ABLIM2: variants seen among roughly 807,000 people sequenced by gnomAD.
The protein encoded by ABLIM2 is actin binding LIM protein family member 2.
ABLIM2 carries 53 observed loss-of-function variants against 97.7 expected under a neutral mutation model. The observed-to-expected ratio is 0.54, with a 90% CI of 0.44 to 0.68. ABLIM2 has a LOEUF of 0.68. Among genes scored for constraint, ABLIM2 ranks in the 30% least tolerant of loss-of-function variants. The probability of loss-of-function intolerance (pLI) is 0.00; values close to 1 mark genes in which losing one functional copy is unlikely to be tolerated. For missense variants in ABLIM2, 835 were observed against 867.2 expected, an observed-to-expected ratio of 0.96 and a Z score of 0.47; for synonymous variants, 361 against 345.8, an observed-to-expected ratio of 1.04 and a Z score of -0.49.
chr4:8,027,830 C>G lies in ABLIM2; in HGVS notation c.1196G>C (p.Ser399Thr), dbSNP rs1579062089. 1 of 1,599,672 alleles carries G rather than the reference C, an allele frequency of 6.3e-7. No homozygotes were observed. Among genetic ancestry groups the G allele is most frequent in the Non-Finnish European group, 8.5e-7 (1 of 1,173,710 alleles). Residue 399 changes from serine to threonine, a missense_variant, in exon 12 of 21, where the codon AGC (serine) becomes ACC (threonine). Transcript: ENST00000447017. The stretch of plus-strand genomic sequence containing the variant: ...TGGGTGTTGGGACAGGGAGAGGCAG[C>G]TACTGGTACCCACACTCACAGTACC... ...PAGTVSVGTSSCLSLSQHPSP... is the reference protein window; with the variant it reads ...PAGTVSVGTSTCLSLSQHPSP...
chr4:8,144,345 T>G (rs1851459122), intron 1 of ABLIM2, among the ~76,000 whole-genome samples: 2 of 152,216 alleles, frequency 1.3e-5, no homozygotes, highest in Admixed American at 6.5e-5. Context: ...CCTTCCAGAA[T>G]CCGCATCCAC....
At chr4:7,981,206 G>A (rs1212179040) in intron 20 of ABLIM2, among the ~76,000 whole-genome samples, 2 of 152,004 alleles carry the variant, frequency 1.3e-5, no homozygotes, top group African/African-American at 4.8e-5. Context: ...GCCTCCCAAA[G>A]TGCTGGGATT....
At position 8,001,560 on chromosome 4, in the gene ABLIM2, C is replaced by T. The variant is rs1277963405; in HGVS notation, c.1618+6499G>A. ...GTCCTCGCCCTGACCTCTGGAGCTC[C>T]CTCTGCTCTCTCTGGGGGCTCAGAG... is the stretch of plus-strand genomic sequence containing the variant. On this transcript the variant is annotated intron_variant, in intron 16 of 20. Transcript: ENST00000447017. The surrounding 1 kb of genome is among the most constrained non-coding windows in gnomAD (Gnocchi z 4.2). Among the ~76,000 whole-genome samples, 39 of 152,240 alleles carry T rather than the reference C, an allele frequency of 2.6e-4. 1 individual carries two copies. Among genetic ancestry groups the T allele is most frequent in the Non-Finnish European group, 1.5e-5 (1 of 67,980 alleles).
rs1238611512 is a variant in ABLIM2, at chr4:8,032,301, C to T, written c.1048-2525G>A. ...GGACTGGGTGCTTCCACACAACCCA[C>T]GTGGAGGGGCAGGAGGCAGGAAGCG... On this transcript the variant is annotated intron_variant, in intron 10 of 20. Coordinates refer to ENST00000447017, the MANE Select transcript of ABLIM2 (RefSeq NM_001130083.2). This position sits in a 1 kb window ranked among gnomAD's most constrained non-coding sequence, Gnocchi z 4.3. Among the ~76,000 whole-genome samples, 4 of 152,242 alleles carry T rather than the reference C, an allele frequency of 2.6e-5. No individual in the cohort carries two copies. Among genetic ancestry groups the T allele is most frequent in the Admixed American group, 6.5e-5 (1 of 15,300 alleles).
intron 8 of ABLIM2, among the ~76,000 whole-genome samples, chr4:8,051,941 G>T (rs929178316): frequency 2.0e-5 from 3 of 152,204 alleles, no homozygotes; most frequent in Non-Finnish European, 4.4e-5. Context: ...CCTCGAGCCC[G>T]TGTATATACC....
At chr4:8,089,382 A>T (rs1825814680) in intron 3 of ABLIM2, among the ~76,000 whole-genome samples, 1 of 152,212 alleles carries the variant, frequency 6.6e-6, no homozygotes, top group South Asian at 2.1e-4. Flanking sequence ...GCCTGGCCAG[A>T]GAACCAGGTG....
chr4:8,136,099 G>A (rs1850154675), intron 1 of ABLIM2, among the ~76,000 whole-genome samples: 2 of 152,186 alleles, frequency 1.3e-5, no homozygotes, highest in South Asian at 2.1e-4. Flanking sequence ...TGGTCTATAC[G>A]GACGATGAAA....
chr4:8,158,706 A>T lies in ABLIM2; in HGVS notation c.-17T>A, dbSNP rs1402966375. 3.4e-6 allele frequency: 5 copies of T among 1,452,528 alleles called. No individual in the cohort carries two copies. Among genetic ancestry groups the T allele is most frequent in the Non-Finnish European group, 3.6e-6 (4 of 1,103,422 alleles). The allele number at this position is 1,452,528 out of a possible 1,614,324, so 90.0% of individuals were successfully genotyped here. On this transcript the variant is annotated 5_prime_UTR_variant, in exon 1 of 21. Coordinates refer to ENST00000447017, the MANE Select transcript of ABLIM2 (RefSeq NM_001130083.2). ...TGCACTCATCTCAGCAGCCGCTCGGAGTCGGGGCGGCCCGGCGCTGCGACA... is the reference window on the plus strand; with the variant it reads ...TGCACTCATCTCAGCAGCCGCTCGGTGTCGGGGCGGCCCGGCGCTGCGACA...
At chr4:8,100,749 GAAA>G (rs57318831) in intron 2 of ABLIM2, among the ~76,000 whole-genome samples, 24,995 of 100,156 alleles carry the variant, frequency 0.25, 2,321 homozygotes, top group Non-Finnish European at 0.29. Context: ...TCCATCTCAG[GAAA>G]AAAAAAAAAA....
At chr4:7,976,890 TATACACACATACATGTACACACACAC>T (rs1215937343) in intron 20 of ABLIM2, among the ~76,000 whole-genome samples, 60 of 137,018 alleles carry the variant, frequency 4.4e-4, no homozygotes, top group African/African-American at 1.5e-3. Context: ...CACACACGCA[TATACACACATACATGTACACACACAC>T]ATACACACAT....
chr4:8,077,787 C>G (rs1228199570), intron 5 of ABLIM2, 66 bp from the exon 6 acceptor site: 1 of 1,382,260 alleles, frequency 7.2e-7, no homozygotes, highest in South Asian at 1.3e-5. Context: ...TCTAACAACC[C>G]TCACCAACAA....
At chr4:8,025,457 G>A (rs1029770851) in intron 12 of ABLIM2, among the ~76,000 whole-genome samples, 1 of 152,152 alleles carries the variant, frequency 6.6e-6, no homozygotes, top group Non-Finnish European at 1.5e-5. Context: ...CTGGTGGTGG[G>A]TAGGTGGGCA....
chr4:8,067,989 G>A lies in ABLIM2; in HGVS notation c.676-6935C>T, dbSNP rs570567379. ...GCTGAGAACCAGTGGGTCACAGGCG[G>A]CCATCGATGGGCTGATGGAGTCAAA... is the stretch of plus-strand genomic sequence containing the variant. On this transcript the variant is annotated intron_variant, in intron 6 of 20. Transcript: ENST00000447017. The surrounding 1 kb of genome is among the most constrained non-coding windows in gnomAD (Gnocchi z 5.4). 6.6e-6 allele frequency among the ~76,000 whole-genome samples: 1 copy of A among 152,308 alleles called. No individual in the cohort carries two copies. The highest frequency in any genetic ancestry group is 2.1e-4 in the South Asian group (1 of 4,826).
At chr4:8,060,519 A>G (rs915131450) in intron 7 of ABLIM2, among the ~76,000 whole-genome samples, 1 of 152,116 alleles carries the variant, frequency 6.6e-6, no homozygotes, top group Admixed American at 6.5e-5. Context: ...GTACCTCATT[A>G]CCAACCTCCT....
intron 17 of ABLIM2, among the ~76,000 whole-genome samples, chr4:7,989,024 T>A (rs1746568761): frequency 6.6e-6 from 1 of 151,994 alleles, no homozygotes; most frequent in African/African-American, 2.4e-5. Context: ...TTTGTACTAT[T>A]TAATTTTTCT....
intron 6 of ABLIM2, among the ~76,000 whole-genome samples, chr4:8,064,493 G>T (rs2152202687): frequency 6.6e-6 from 1 of 152,346 alleles, no homozygotes; most frequent in South Asian, 2.1e-4. Flanking sequence ...AACAGCCACA[G>T]GATGTGCCCC....
intron 12 of ABLIM2, among the ~76,000 whole-genome samples, chr4:8,025,990 C>T (rs140593265): frequency 2.1e-3 from 317 of 152,308 alleles, no homozygotes; most frequent in African/African-American, 5.1e-3. Flanking sequence ...TGGGGAGGGG[C>T]CCTTTCTGGC....
intron 1 of ABLIM2, among the ~76,000 whole-genome samples, chr4:8,156,979 C>A (rs1384947821): frequency 6.6e-6 from 1 of 152,216 alleles, no homozygotes; most frequent in Non-Finnish European, 1.5e-5. Context: ...AGGGTCTGAG[C>A]TGAGCTGGCC....
chr4:8,080,872 C>T lies in ABLIM2; in HGVS notation c.455-70G>A, dbSNP rs1293057121. 3.3e-6 allele frequency: 5 copies of T among 1,526,050 alleles called. No individual in the cohort carries two copies. In the East Asian group the frequency reaches 9.2e-5, roughly 28 times the overall value. 94.5% of individuals were successfully genotyped at this position (1,526,050 alleles called of 1,614,324 possible). ...AGGTGTTGGGGAGGCCTCCTGCTCT[C>T]CACACTCCGTGAAGGCCCCTGGGGC... On this transcript the variant is annotated intron_variant, in intron 4 of 20. Coordinates refer to ENST00000447017, the MANE Select transcript of ABLIM2 (RefSeq NM_001130083.2).
Sources: allele counts gnomAD v4.1 joint callset (sites outside exome capture counted in the v4.1 genomes callset), GRCh38; gene constraint gnomAD v4.1.1; non-coding constraint Gnocchi (gnomAD v3.1); transcripts MANE v1.5; gene names NCBI Gene and HGNC (gene_info 2026-07-23, HGNC 2026-07-21).